Variants in ANKFN1 observed in about 807,000 individuals in gnomAD.
The protein encoded by ANKFN1 is ankyrin repeat and fibronectin type III domain containing 1, also known as ankyrin repeat and fibronectin type-III domain-containing protein 1.
Under a neutral mutation model 108.7 loss-of-function variants are expected in ANKFN1, and 74 were observed. The ratio of observed to expected loss-of-function variants is 0.68; its 90% CI spans 0.56 to 0.83. The LOEUF (loss-of-function observed/expected upper bound fraction) is 0.83, where lower values mean the gene tolerates loss of function less well. Ranked by LOEUF, ANKFN1 falls within the 40% of genes least tolerant of loss-of-function variation. The pLI is 0.00. For synonymous variants in ANKFN1, 547 were observed against 516.2 expected, an observed-to-expected ratio of 1.06 and a Z score of -0.81; for missense variants, 1,505 against 1,382.3, an observed-to-expected ratio of 1.09 and a Z score of -1.41.
At chr17:56,457,694 T>A (rs1459236826) in intron 13 of ANKFN1, among the ~76,000 whole-genome samples, 169 bp from the exon 14 acceptor site, 1 of 152,172 alleles carries the variant, frequency 6.6e-6, no homozygotes, top group Non-Finnish European at 1.5e-5. Flanking sequence ...AACATTCAGA[T>A]CTTTTTCCAA....
intron 19 of ANKFN1, among the ~76,000 whole-genome samples, chr17:56,493,028 G>T (rs2051090927): frequency 6.6e-6 from 1 of 152,104 alleles, no homozygotes; most frequent in Non-Finnish European, 1.5e-5. Flanking sequence ...TTCACAAAAT[G>T]AGTAGAATAG....
intron 4 of ANKFN1, among the ~76,000 whole-genome samples, chr17:56,101,955 A>G (rs1341345836): frequency 2.6e-5 from 4 of 152,216 alleles, no homozygotes; most frequent in Non-Finnish European, 2.9e-5. Flanking sequence ...TTGAGAAGCA[A>G]TTAGTTATGT....
intron 4 of ANKFN1, among the ~76,000 whole-genome samples, chr17:56,069,032 T>A (rs924148886): frequency 1.3e-5 from 2 of 152,224 alleles, no homozygotes; most frequent in African/African-American, 4.8e-5. Context: ...TGAAAGATTA[T>A]TAGTGCCTCA....
intron 4 of ANKFN1, among the ~76,000 whole-genome samples, chr17:56,346,857 A>G (rs2046117004): frequency 6.6e-6 from 1 of 151,684 alleles, no homozygotes; most frequent in Non-Finnish European, 1.5e-5. Context: ...TTTTGAATAT[A>G]TTGTGCACAC....
In ANKFN1 at chr17:56,404,640, C is replaced by A. The variant is rs187741377; in HGVS notation, c.910+29926C>A. On this transcript the variant is annotated intron_variant, in intron 8 of 20. Coordinates refer to ENST00000682825, the MANE Select transcript of ANKFN1 (RefSeq NM_001370326.1). ...CTCTCCGATTAGCTTAATAACTAACCTCATGAATTCTTTTTCAGGTAAATC... is the reference window on the plus strand; with the variant it reads ...CTCTCCGATTAGCTTAATAACTAACATCATGAATTCTTTTTCAGGTAAATC... 2.7e-3 allele frequency among the ~76,000 whole-genome samples: 405 copies of A among 152,236 alleles called. 4 individuals are homozygous for A. The highest frequency in any genetic ancestry group is 9.0e-3 in the African/African-American group (372 of 41,546).
At chr17:56,270,217 AG>A (rs2043757465) in intron 3 of ANKFN1, among the ~76,000 whole-genome samples, 1 of 152,184 alleles carries the variant, frequency 6.6e-6, no homozygotes, top group Non-Finnish European at 1.5e-5. Context: ...ATTTTTGGTT[AG>A]CAGAGTCTCC....
chr17:56,427,920 G>C (rs955196657), intron 8 of ANKFN1, among the ~76,000 whole-genome samples: 7 of 152,060 alleles, frequency 4.6e-5, no homozygotes, highest in African/African-American at 1.7e-4. Context: ...TACCACATAG[G>C]AGTGTTAGGA....
At chr17:56,167,906 C>T (rs1191927875) in intron 1 of ANKFN1, among the ~76,000 whole-genome samples, 1 of 152,086 alleles carries the variant, frequency 6.6e-6, no homozygotes, top group African/African-American at 2.4e-5. Flanking sequence ...CCTCAGTGGG[C>T]CTGGAAAATG....
intron 4 of ANKFN1, among the ~76,000 whole-genome samples, chr17:56,072,062 AT>A (rs1175759797): frequency 6.6e-6 from 1 of 152,172 alleles, no homozygotes; most frequent in Non-Finnish European, 1.5e-5. Context: ...AGTTTTAGTC[AT>A]TTTCTTAGAA....
Position 56,467,803 on chromosome 17 carries a change from A to AAAGAAAG in ANKFN1, c.1773+1235_1773+1241dup, listed in dbSNP as rs2050162801. Among the ~76,000 whole-genome samples the AAAGAAAG allele has an allele frequency of 1.5e-4, 4 of 26,332 alleles. No homozygotes were observed. The South Asian group carries it at 2.9e-3, about 19-fold the overall frequency. 17.3% of individuals were successfully genotyped at this position (26,332 alleles called of 152,430 possible). A position where few individuals can be genotyped will look rare whatever the true frequency, so the allele number is the denominator to read the frequency against. On this transcript the variant is annotated intron_variant, in intron 15 of 20. Transcript: ENST00000682825. Reference sequence around the variant, plus strand: ...AGAAAGAAAGAAAGAAGAAAGAAAGAAAGAAAGAAAGAAAGAAAGAAAGAA... The same window carrying AAAGAAAG: ...AGAAAGAAAGAAAGAAGAAAGAAAGAAAGAAAGAAGAAAGAAAGAAAGAAAGAAAGAA...
At chr17:56,140,701 G>C (rs1163651782) in intron 4 of ANKFN1, among the ~76,000 whole-genome samples, 2 of 152,154 alleles carry the variant, frequency 1.3e-5, no homozygotes, top group African/African-American at 4.8e-5. Flanking sequence ...AGAATTAAAT[G>C]AGTTAGCATC....
intron 4 of ANKFN1, among the ~76,000 whole-genome samples, chr17:56,049,983 G>A (rs868072465): frequency 0.021 from 3,160 of 152,232 alleles, 103 homozygotes; most frequent in African/African-American, 0.072. Flanking sequence ...TTCCACAATG[G>A]TTGAACTAGT....
rs1403024706 is a variant in ANKFN1 at position 56,463,841 on chromosome 17, C to G, written c.1558-2515C>G. 2.6e-5 allele frequency: 4 copies of G among 152,266 alleles called. 1 individual carries two copies. The East Asian group carries it at 7.7e-4, about 29-fold the overall frequency. The allele number at this position is 152,266 out of a possible 1,614,324, so 9.4% of individuals were successfully genotyped here. A position where few individuals can be genotyped will look rare whatever the true frequency, so the allele number is the denominator to read the frequency against. ...TTTTTCAGGCCTCCTTATCCCAACT[C>G]TGGACTTCCTTCACCTTCCCATGTC... On this transcript the variant is annotated intron_variant, in intron 14 of 20. Transcript: ENST00000682825.
intron 3 of ANKFN1, among the ~76,000 whole-genome samples, chr17:56,307,062 T>C (rs1664467288): frequency 6.6e-6 from 1 of 152,074 alleles, no homozygotes. Flanking sequence ...CCTTACACCT[T>C]ATACAAAAAT....
At chr17:56,459,811 C>T (rs568176091) in intron 14 of ANKFN1, among the ~76,000 whole-genome samples, 2 of 152,104 alleles carry the variant, frequency 1.3e-5, no homozygotes, top group Non-Finnish European at 2.9e-5. Flanking sequence ...CAGTGTGACC[C>T]TACTCAACTA....
chr17:56,356,173 A>T (rs144211269), intron 6 of ANKFN1, among the ~76,000 whole-genome samples: 2 of 152,138 alleles, frequency 1.3e-5, no homozygotes, highest in South Asian at 2.1e-4. Context: ...AATATCATGC[A>T]GCACTCACCC....
intron 1 of ANKFN1, among the ~76,000 whole-genome samples, chr17:56,162,087 C>T (rs1324089925): frequency 6.6e-6 from 1 of 152,122 alleles, no homozygotes; most frequent in African/African-American, 2.4e-5. Flanking sequence ...CACCCCACCC[C>T]CAAGTGTAGT....
At chr17:56,415,388 G>A (rs986422859) in intron 8 of ANKFN1, among the ~76,000 whole-genome samples, 2 of 152,112 alleles carry the variant, frequency 1.3e-5, no homozygotes, top group Non-Finnish European at 2.9e-5. Flanking sequence ...CCAAATCAAC[G>A]TACAAAAATC....
chr17:56,386,868 G>C (rs1013940038), intron 8 of ANKFN1, among the ~76,000 whole-genome samples: 1 of 151,882 alleles, frequency 6.6e-6, no homozygotes, highest in African/African-American at 2.4e-5. Flanking sequence ...AGTAAGAAGT[G>C]TTTTTGTTTT....
Sources: gnomAD v4.1 joint callset for allele counts (sites outside exome capture counted in the v4.1 genomes callset) on GRCh38, gnomAD v4.1.1 for gene constraint, MANE v1.5 for transcripts, NCBI Gene and HGNC (gene_info 2026-07-23, HGNC 2026-07-21) for gene names.